CNGB1: variants seen among roughly 807,000 people sequenced by gnomAD.
CNGB1 encodes the protein cyclic nucleotide-gated channel beta-1.
Under a neutral mutation model 151.7 loss-of-function variants are expected in CNGB1, and 126 were observed. The observed-to-expected ratio is 0.83, with a 90% CI of 0.72 to 0.96. CNGB1 has a LOEUF of 0.96. Among genes scored for constraint, CNGB1 ranks in the 40% least tolerant of loss-of-function variants. The pLI is 0.00. For synonymous variants in CNGB1, 623 were observed against 635.1 expected, an observed-to-expected ratio of 0.98 and a Z score of 0.29; for missense variants, 1,698 against 1,627.0, an observed-to-expected ratio of 1.04 and a Z score of -0.75.
intron 31 of CNGB1, among the ~76,000 whole-genome samples, chr16:57,891,256 G>A (rs755089634): frequency 1.4e-4 from 22 of 152,226 alleles, no homozygotes; most frequent in Non-Finnish European, 2.4e-4. Flanking sequence ...AGATCTCTGC[G>A]GACACTGAAT....
chr16:57,963,345 G>A (rs555615924), intron 4 of CNGB1, among the ~76,000 whole-genome samples: 1 of 152,316 alleles, frequency 6.6e-6, no homozygotes, highest in African/African-American at 2.4e-5. Flanking sequence ...AATAGGGGAT[G>A]CTGATGCTTC....
chr16:57,964,352 C>A, intron 3 of CNGB1, 135 bp downstream of exon 3: 1 of 1,381,104 alleles, frequency 7.2e-7, no homozygotes, highest in Non-Finnish European at 1.0e-6. Flanking sequence ...TCTCTGGGAG[C>A]CCACCCTTAG....
At chr16:57,897,632 G>C (rs1960270481) in intron 30 of CNGB1, 89 bp from the exon 31 acceptor site, 4 of 1,592,372 alleles carry the variant, frequency 2.5e-6, no homozygotes, top group Non-Finnish European at 3.4e-6. Flanking sequence ...GGAGGACAGT[G>C]GTGGCCCCAC....
At chr16:57,923,693 T>C (rs1396043861) in intron 17 of CNGB1, among the ~76,000 whole-genome samples, 1 of 152,152 alleles carries the variant, frequency 6.6e-6, no homozygotes, top group East Asian at 1.9e-4. Flanking sequence ...ACATGCTGAG[T>C]TACCTCAGTT....
rs765763194 is a variant in CNGB1 at position 57,958,439 on chromosome 16, G to A, written c.808C>T (p.Pro270Ser). 3 of 1,602,334 alleles carry A rather than the reference G, an allele frequency of 1.9e-6. No individual in the cohort carries two copies. Among genetic ancestry groups the A allele is most frequent in the South Asian group, 1.1e-5 (1 of 90,778 alleles). The change falls in exon 11 of 33, where the codon CCA becomes TCA. Residue 270 changes from proline (P) to serine (S), a missense_variant. Physicochemically the swap from Pro to Ser is moderately conservative, Grantham distance 74. Transcript: ENST00000251102. ...LHRLEMALPQ[P>S]VLHGKIGEQE... ...TCCCCTATTTTCCCATGTAGCACTGGCTGCGGCAAGGCCATCTCCAGCCTG... is the reference window on the plus strand; with the variant it reads ...TCCCCTATTTTCCCATGTAGCACTGACTGCGGCAAGGCCATCTCCAGCCTG...
At chr16:57,961,655 T>TGAAG (rs1260919368) in intron 7 of CNGB1, among the ~76,000 whole-genome samples, 1 of 152,052 alleles carries the variant, frequency 6.6e-6, no homozygotes, top group Non-Finnish European at 1.5e-5. Context: ...AATGAATGAA[T>TGAAG]GAATGAATGA....
chr16:57,919,018 C>A (rs1596978353), intron 20 of CNGB1, 81 bp downstream of exon 20: 4 of 1,603,664 alleles, frequency 2.5e-6, no homozygotes, highest in South Asian at 1.1e-5. Context: ...CTCTTGAATC[C>A]CCTGACCCTC....
chr16:57,917,812 A>C (rs577362494), intron 20 of CNGB1, among the ~76,000 whole-genome samples: 1 of 149,686 alleles, frequency 6.7e-6, no homozygotes, highest in African/African-American at 2.4e-5. Context: ...AAAAAAAAAA[A>C]CACAACTATC....
chr16:57,931,597 A>C, intron 17 of CNGB1, 119 bp downstream of exon 17: 1 of 1,182,338 alleles, frequency 8.5e-7, no homozygotes, highest in Non-Finnish European at 1.2e-6. Flanking sequence ...CACTTCTGAC[A>C]CCAACTCGCT....
At chr16:57,922,413 C>CTCTT (rs555422411) in intron 18 of CNGB1, among the ~76,000 whole-genome samples, 39,072 of 143,608 alleles carry the variant, frequency 0.27, 6,462 homozygotes, top group East Asian at 0.54. Context: ...GTTTCTTTCT[C>CTCTT]TCTTTCTTTC....
At chr16:57,887,020 A>C (rs1439435991) in intron 32 of CNGB1, among the ~76,000 whole-genome samples, 1 of 152,164 alleles carries the variant, frequency 6.6e-6, no homozygotes, top group African/African-American at 2.4e-5. Flanking sequence ...GACCACAGGC[A>C]TGTGCCACTA....
Position 57,962,601 on chromosome 16 carries a change from T to G in CNGB1, c.422A>C (p.Asp141Ala), listed in dbSNP as rs758067136. ...HGSTGDTGCT[D>A]EPNEALEAQD... ...GGCCTCAAGGGCCTCATTGGGTTCA[T>G]CTGTGCACCCTGCAGGGTCAGAAAA... Residue 141 changes from aspartate (D) to alanine (A), a missense_variant, in exon 7 of 33, where the codon GAT becomes GCT. Asp to Ala is a moderately radical substitution (Grantham distance 126, BLOSUM62 -2). Transcript: ENST00000251102. 1 of 1,614,018 alleles carries G rather than the reference T, an allele frequency of 6.2e-7. No individual in the cohort carries two copies. Among genetic ancestry groups the G allele is most frequent in the Non-Finnish European group, 8.5e-7 (1 of 1,179,946 alleles).
intron 31 of CNGB1, among the ~76,000 whole-genome samples, chr16:57,895,159 T>C (rs572045963): frequency 1.3e-5 from 2 of 152,290 alleles, no homozygotes; most frequent in African/African-American, 4.8e-5. Context: ...TTCTAATATG[T>C]GGTGGCAGGG....
Position 57,901,359 on chromosome 16 carries a change from C to T in CNGB1, c.2969G>A (p.Cys990Tyr). 6.2e-7 allele frequency: 1 copy of T among 1,614,122 alleles called. No individual in the cohort carries two copies. The highest frequency in any genetic ancestry group is 8.5e-7 in the Non-Finnish European group (1 of 1,180,014). Residue 990 changes from cysteine to tyrosine, a missense_variant, in exon 29 of 33, where the codon TGC becomes TAC. Transcript: ENST00000251102. ...SVVYLPNDYV[C>Y]KKGEIGREMY... The stretch of plus-strand genomic sequence containing the variant: ...GCTGCCAGGCCAGCTCACCTTCTTG[C>T]ACACATAGTCGTTGGGCAGGTAGAC...
chr16:57,917,239 C>A, intron 21 of CNGB1, 29 bp downstream of exon 21: 2 of 1,597,438 alleles, frequency 1.3e-6, no homozygotes, highest in Admixed American at 1.7e-5. Flanking sequence ...TGCCCCCGGT[C>A]ACCCCAACAC....
chr16:57,887,125 A>C (rs1334620652), intron 32 of CNGB1, among the ~76,000 whole-genome samples: 2 of 152,252 alleles, frequency 1.3e-5, no homozygotes, highest in African/African-American at 4.8e-5. Context: ...GCCTGAAGAG[A>C]TCCTCCTGCC....
intron 18 of CNGB1, 56 bp from the exon 19 acceptor site, chr16:57,920,600 C>T: frequency 1.9e-6 from 3 of 1,598,698 alleles, no homozygotes; most frequent in South Asian, 2.2e-5. Flanking sequence ...CCTGTGCACC[C>T]CCAGGCCAGA....
intron 17 of CNGB1, among the ~76,000 whole-genome samples, chr16:57,929,442 A>G (rs1377259745): frequency 6.9e-6 from 1 of 144,836 alleles, no homozygotes. Context: ...AGTGAGAGAG[A>G]GAGAGAGAGA....
rs1464533983 is a variant in CNGB1, at chr16:57,884,514, G to T, written c.3463-57C>A. ...CAGACTCTCGGAGGGGTCTTGGAAG[G>T]GTCTTGGACACCTCCCTGTTCCAGC... On this transcript the variant is annotated intron_variant, in intron 32 of 32. Coordinates refer to ENST00000251102, the MANE Select transcript of CNGB1 (RefSeq NM_001297.5). 3 of 1,591,020 alleles carry T rather than the reference G, an allele frequency of 1.9e-6. No individual in the cohort carries two copies. The East Asian group carries it at 6.7e-5, about 36-fold the overall frequency.
Sources: allele counts gnomAD v4.1 joint callset (sites outside exome capture counted in the v4.1 genomes callset), GRCh38; gene constraint gnomAD v4.1.1; transcripts MANE v1.5; gene names NCBI Gene and HGNC (gene_info 2026-07-23, HGNC 2026-07-21).